ZBTB8A: variants seen among roughly 807,000 people sequenced by gnomAD.
ZBTB8A encodes the protein zinc finger and BTB domain containing 8A, also known as zinc finger and BTB domain-containing protein 8A.
A neutral mutation model predicts 37.8 loss-of-function variants in ZBTB8A; 19 were observed. The observed-to-expected ratio is 0.50, with a 90% CI of 0.35 to 0.74. The LOEUF is 0.74. Ranked by LOEUF, ZBTB8A falls within the 30% of genes least tolerant of loss-of-function variation. ZBTB8A has a pLI of 0.01. For synonymous variants in ZBTB8A, 181 were observed against 185.2 expected, an observed-to-expected ratio of 0.98 and a Z score of 0.19; for missense variants, 394 against 537.8, an observed-to-expected ratio of 0.73 and a Z score of 2.65.
At position 32,600,265 on chromosome 1, in the gene ZBTB8A, C is replaced by T; in HGVS notation, c.1172C>T (p.Ser391Leu). ...GCTGAACAACATCTTATGTCCCCAT[C>T]AGATGGAGATAAGGATTCCAGATGG... is the stretch of plus-strand genomic sequence containing the variant. ...LEAEQHLMSPSDGDKDSRWHL... is the reference protein window; with the variant it reads ...LEAEQHLMSPLDGDKDSRWHL... Residue 391 changes from serine (S) to leucine (L), a missense_variant, in exon 5 of 5, where the codon TCA (serine) becomes TTA (leucine). Physicochemically the swap from Ser to Leu is moderately radical, Grantham distance 145. Around this residue, in one of 4 missense-constraint regions of ZBTB8A, gnomAD observed 85 missense variants for 89.0 expected, o/e 0.95. Transcript: ENST00000373510. 6.2e-7 allele frequency: 1 copy of T among 1,614,100 alleles called. No individual in the cohort carries two copies. Among genetic ancestry groups the T allele is most frequent in the Non-Finnish European group, 8.5e-7 (1 of 1,179,994 alleles).
intron 2 of ZBTB8A, among the ~76,000 whole-genome samples, chr1:32,569,311 T>A (rs1419157478): frequency 6.6e-6 from 1 of 152,080 alleles, no homozygotes; most frequent in Non-Finnish European, 1.5e-5. Flanking sequence ...TCTTTATGTA[T>A]TCTGGGTACA....
intron 1 of ZBTB8A, among the ~76,000 whole-genome samples, chr1:32,546,072 A>C (rs1234673731): frequency 6.6e-6 from 1 of 152,224 alleles, no homozygotes; most frequent in African/African-American, 2.4e-5. Flanking sequence ...AGTCTGGTAT[A>C]GAGTAGTTGC....
At chr1:32,562,607 C>T (rs1412074936) in intron 2 of ZBTB8A, among the ~76,000 whole-genome samples, 1 of 122,156 alleles carries the variant, frequency 8.2e-6, no homozygotes, top group East Asian at 2.6e-4. Context: ...GACGAGTCTT[C>T]GCTCTGTCAC....
Position 32,595,732 on chromosome 1 carries a change from C to T in ZBTB8A, c.993+509C>T, listed in dbSNP as rs546093012. Among the ~76,000 whole-genome samples, 14 of 152,004 alleles carry T rather than the reference C, an allele frequency of 9.2e-5. 1 individual carries two copies. The highest frequency in any genetic ancestry group is 2.1e-4 in the South Asian group (1 of 4,810). Reference sequence around the variant, plus strand: ...TGGTGCCATCTCAGCTCACTGCAGCCGCGACTTCTCAGGCTCAAATTATCC... The same window carrying T: ...TGGTGCCATCTCAGCTCACTGCAGCTGCGACTTCTCAGGCTCAAATTATCC... On this transcript the variant is annotated intron_variant, in intron 4 of 4. Coordinates refer to ENST00000373510, the MANE Select transcript of ZBTB8A (RefSeq NM_001040441.3).
At chr1:32,592,788 G>T in intron 2 of ZBTB8A, 143 bp from the exon 3 acceptor site, 2 of 664,414 alleles carry the variant, frequency 3.0e-6, no homozygotes, top group East Asian at 2.8e-5. Flanking sequence ...GATTACAGGA[G>T]TGAGCCACTG....
At chr1:32,554,855 T>C (rs1453096993) in intron 2 of ZBTB8A, among the ~76,000 whole-genome samples, 1 of 152,160 alleles carries the variant, frequency 6.6e-6, no homozygotes, top group Non-Finnish European at 1.5e-5. Flanking sequence ...CTTGTGTATG[T>C]ATTTCTCCCA....
intron 2 of ZBTB8A, among the ~76,000 whole-genome samples, chr1:32,565,500 A>T (rs1049629095): frequency 6.6e-6 from 1 of 151,828 alleles, no homozygotes; most frequent in Non-Finnish European, 1.5e-5. Context: ...CAAAATAATT[A>T]AAAAATTAGC....
At chr1:32,582,537 AC>A (rs1287706210) in intron 2 of ZBTB8A, among the ~76,000 whole-genome samples, 1 of 152,084 alleles carries the variant, frequency 6.6e-6, no homozygotes, top group Admixed American at 6.6e-5. Flanking sequence ...AATCCCAGCT[AC>A]TTGGGAGGCT....
chr1:32,554,510 T>G (rs990228106), intron 2 of ZBTB8A, among the ~76,000 whole-genome samples: 1 of 137,970 alleles, frequency 7.2e-6, no homozygotes, highest in Non-Finnish European at 1.6e-5. Context: ...ATTTATTTAT[T>G]TATTTTTGAG....
chr1:32,581,507 A>C lies in ZBTB8A; in HGVS notation c.-1-11424A>C, dbSNP rs374687944. ...GCTGGGATTACAGGCGCACGCCAAC[A>C]TGTCTGGCTAATTTTTGTATTTTTA... is the stretch of plus-strand genomic sequence containing the variant. On this transcript the variant is annotated intron_variant, in intron 2 of 4. Coordinates refer to ENST00000373510, the MANE Select transcript of ZBTB8A (RefSeq NM_001040441.3). Among the ~76,000 whole-genome samples, 70 of 150,720 alleles carry C rather than the reference A, an allele frequency of 4.6e-4. 2 individuals carry two copies. In the East Asian group the frequency reaches 8.2e-3, roughly 18 times the overall value.
chr1:32,566,716 A>G (rs1430171618), intron 2 of ZBTB8A, among the ~76,000 whole-genome samples: 1 of 152,188 alleles, frequency 6.6e-6, no homozygotes, highest in African/African-American at 2.4e-5. Context: ...GGGGTTGTCA[A>G]GGAAACCTCT....
At chr1:32,589,971 C>T (rs1044636995) in intron 2 of ZBTB8A, among the ~76,000 whole-genome samples, 1 of 152,132 alleles carries the variant, frequency 6.6e-6, no homozygotes, top group African/African-American at 2.4e-5. Flanking sequence ...TTATTTCTGC[C>T]TGGCTTGGAT....
rs1644601301 is a variant in ZBTB8A, at chr1:32,604,664, G to T, written c.*4245G>T. ...AAGCATAGTTACTGTTTTCTGTACG[G>T]CTAAGTACTGCCTAATGGATGAAAG... On this transcript the variant is annotated 3_prime_UTR_variant, in exon 5 of 5. Coordinates refer to ENST00000373510, the MANE Select transcript of ZBTB8A (RefSeq NM_001040441.3). 2 of 152,040 alleles carry T rather than the reference G, an allele frequency of 1.3e-5. No individual in the cohort carries two copies. Among genetic ancestry groups the T allele is most frequent in the Non-Finnish European group, 2.9e-5 (2 of 68,016 alleles). 9.4% of individuals were successfully genotyped at this position (152,040 alleles called of 1,614,324 possible). A position where few individuals can be genotyped will look rare whatever the true frequency, so the allele number is the denominator to read the frequency against.
intron 1 of ZBTB8A, among the ~76,000 whole-genome samples, chr1:32,552,993 C>T (rs1028535631): frequency 4.7e-5 from 7 of 149,618 alleles, no homozygotes; most frequent in African/African-American, 1.7e-4. Flanking sequence ...TTAACTATTA[C>T]TAATAATAAT....
intron 1 of ZBTB8A, among the ~76,000 whole-genome samples, chr1:32,547,923 G>T (rs976412661): frequency 1.3e-5 from 2 of 150,170 alleles, no homozygotes; most frequent in Non-Finnish European, 3.0e-5. Context: ...CATGAGGTCA[G>T]GAGTTCGAGA....
intron 2 of ZBTB8A, among the ~76,000 whole-genome samples, chr1:32,556,512 A>C (rs566080133): frequency 5.6e-4 from 85 of 152,272 alleles, no homozygotes; most frequent in Non-Finnish European, 1.1e-3. Context: ...GACCACAGGC[A>C]TGCACCATCA....
At chr1:32,594,952 A>ATTTT in intron 3 of ZBTB8A, 102 bp from the exon 4 acceptor site, 2 of 1,154,620 alleles carry the variant, frequency 1.7e-6, no homozygotes, top group Non-Finnish European at 1.2e-6. Flanking sequence ...TTTTAAGTTT[A>ATTTT]TTTTTTTCTT....
At chr1:32,556,991 G>A (rs1008076095) in intron 2 of ZBTB8A, among the ~76,000 whole-genome samples, 16 of 151,886 alleles carry the variant, frequency 1.1e-4, no homozygotes, top group African/African-American at 2.4e-4. Context: ...TGAATCATAC[G>A]CATTCAAGGG....
chr1:32,577,170 G>C (rs775220058), intron 2 of ZBTB8A, among the ~76,000 whole-genome samples: 2 of 150,274 alleles, frequency 1.3e-5, no homozygotes, highest in Non-Finnish European at 3.0e-5. Context: ...CACCATGCCT[G>C]GCCTTTGTTC....
Sources: allele counts gnomAD v4.1 joint callset (sites outside exome capture counted in the v4.1 genomes callset), GRCh38; gene constraint gnomAD v4.1.1; regional missense constraint gnomAD v4.1.1; transcripts MANE v1.5; gene names NCBI Gene and HGNC (gene_info 2026-07-23, HGNC 2026-07-21).